The following SP140 variants were observed in gnomAD, a reference collection of about 807,000 sequenced individuals.
SP140 encodes the protein nuclear body protein SP140.
A neutral mutation model predicts 125.0 loss-of-function variants in SP140; 81 were observed. The ratio of observed to expected loss-of-function variants is 0.65; its 90% CI spans 0.54 to 0.78. The LOEUF (loss-of-function observed/expected upper bound fraction) is 0.78. Among genes scored for constraint, SP140 ranks in the 30% least tolerant of loss-of-function variants. SP140 has a pLI of 0.00. For missense variants in SP140, 858 were observed against 1,037.0 expected (o/e 0.83, Z 2.37); for synonymous variants, 312 against 354.0 (o/e 0.88, Z 1.33).
intron 20 of SP140, among the ~76,000 whole-genome samples, chr2:230,293,231 G>A (rs1218407228): frequency 6.6e-6 from 1 of 152,256 alleles, no homozygotes; most frequent in Non-Finnish European, 1.5e-5. Context: ...GGGGCAGGTT[G>A]TGCAGGGCTT....
intron 22 of SP140, among the ~76,000 whole-genome samples, chr2:230,307,990 T>TATAC (rs869070046): frequency 1.9e-3 from 102 of 52,608 alleles, no homozygotes; most frequent in Non-Finnish European, 2.7e-3. Context: ...TATATATATA[T>TATAC]ACACACACAC....
intron 22 of SP140, among the ~76,000 whole-genome samples, chr2:230,306,212 C>T (rs1178775997): frequency 6.6e-6 from 1 of 152,198 alleles, no homozygotes; most frequent in East Asian, 1.9e-4. Flanking sequence ...CCCAGAGCCT[C>T]TATCACAGCC....
intron 7 of SP140, among the ~76,000 whole-genome samples, chr2:230,246,987 A>G (rs986683246): frequency 2.0e-5 from 3 of 152,154 alleles, no homozygotes; most frequent in African/African-American, 7.2e-5. Context: ...AAGATTCACT[A>G]GACAGAAATA....
At chr2:230,222,554 A>T (rs1045710572), upstream of SP140, among the ~76,000 whole-genome samples, 2 of 152,120 alleles carry the variant, frequency 1.3e-5, no homozygotes, top group Non-Finnish European at 2.9e-5. Context: ...CCTCGTCTCT[A>T]CAAAAATACA....
rs1411832322 is a variant in SP140 at position 230,241,399 on chromosome 2, C to T, written c.407-5C>T. ...GTTTGGTAATTTTCACATTGTTTTC[C>T]TCAGTATGCTATGAACACTCACCTC... On this transcript the variant is annotated splice_polypyrimidine_tract_variant and splice_region_variant and intron_variant, in intron 3 of 26. Coordinates refer to ENST00000392045, the MANE Select transcript of SP140 (RefSeq NM_007237.5). 4 of 1,567,670 alleles carry T rather than the reference C, an allele frequency of 2.6e-6. No homozygotes were observed. The highest frequency in any genetic ancestry group is 2.2e-5 in the South Asian group (2 of 90,108).
upstream of SP140, among the ~76,000 whole-genome samples, chr2:230,223,039 C>CT (rs34477714): frequency 0.13 from 18,141 of 136,694 alleles, 1,366 homozygotes; most frequent in Middle Eastern, 0.23. Flanking sequence ...ATCAGTCTGA[C>CT]TTTTTTTTTT....
intron 17 of SP140, 119 bp from the exon 18 acceptor site, chr2:230,287,773 T>C (rs1030927210): frequency 2.5e-6 from 2 of 790,998 alleles, no homozygotes; most frequent in South Asian, 2.5e-5. Flanking sequence ...TAAATCTTTT[T>C]ATTTATACAT....
intron 17 of SP140, 76 bp from the exon 18 acceptor site, chr2:230,287,816 G>A: frequency 7.9e-7 from 1 of 1,266,990 alleles, no homozygotes; most frequent in Non-Finnish European, 1.1e-6. Context: ...CATTTAAATG[G>A]AATTTTTGAA....
chr2:230,222,610 G>A (rs1559192501), upstream of SP140, among the ~76,000 whole-genome samples: 1 of 151,636 alleles, frequency 6.6e-6, no homozygotes, highest in Non-Finnish European at 1.5e-5. Context: ...TGTGGTCCCC[G>A]CTATCAGGGA....
At chr2:230,194,306 A>T in the SP140 span, among the ~76,000 whole-genome samples, 1 of 152,110 alleles carries the variant, frequency 6.6e-6, no homozygotes, top group Non-Finnish European at 1.5e-5. Context: ...GAGTAAAAGA[A>T]TAAAGAAAAA....
chr2:230,244,649 A>G (rs2049163448), intron 5 of SP140, among the ~76,000 whole-genome samples: 1 of 152,178 alleles, frequency 6.6e-6, no homozygotes, highest in Non-Finnish European at 1.5e-5. Flanking sequence ...AGAACCAGAA[A>G]GAAAAATGGA....
downstream of SP140, among the ~76,000 whole-genome samples, chr2:230,313,668 A>G (rs182249142): frequency 1.3e-5 from 2 of 152,310 alleles, no homozygotes; most frequent in African/African-American, 4.8e-5. Context: ...CTTCTGGGGA[A>G]TGCAACCTAA....
At chr2:230,264,781 A>T (rs1448635587) in intron 12 of SP140, among the ~76,000 whole-genome samples, 1 of 152,204 alleles carries the variant, frequency 6.6e-6, no homozygotes, top group Non-Finnish European at 1.5e-5. Context: ...ACCAGGCTCC[A>T]GGCTGGTACT....
chr2:230,222,792 C>T (rs2045928397), upstream of SP140, among the ~76,000 whole-genome samples: 1 of 150,708 alleles, frequency 6.6e-6, no homozygotes, highest in African/African-American at 2.4e-5. Context: ...CACCAGGCAA[C>T]CACTGATCTG....
At chr2:230,270,054 C>A (rs1431917746) in intron 14 of SP140, 101 bp downstream of exon 14, 2 of 761,988 alleles carry the variant, frequency 2.6e-6, no homozygotes, top group African/African-American at 3.5e-5. Context: ...GAATTCTATT[C>A]TCCGCATTTG....
Position 230,292,633 on chromosome 2 carries a change from C to G in SP140, c.1826-13C>G. On this transcript the variant is annotated splice_polypyrimidine_tract_variant and intron_variant, in intron 19 of 26. Transcript: ENST00000392045. Reference sequence around the variant, plus strand: ...AAAAGAGGGCTCAGGATCAAGTTACCCTGGTCTTACAGGAATCTTGGTGAA... The same window carrying G: ...AAAAGAGGGCTCAGGATCAAGTTACGCTGGTCTTACAGGAATCTTGGTGAA... The G allele has an allele frequency of 6.2e-7, 1 of 1,614,030 alleles. No homozygotes were observed. The highest frequency in any genetic ancestry group is 8.5e-7 in the Non-Finnish European group (1 of 1,179,960).
chr2:230,278,888 AG>A (rs781028708), intron 15 of SP140, among the ~76,000 whole-genome samples: 1 of 152,086 alleles, frequency 6.6e-6, no homozygotes, highest in Non-Finnish European at 1.5e-5. Flanking sequence ...CAAATTGGAA[AG>A]AAGTTAAATT....
chr2:230,212,286 A>AC, intron 1 of SP140: 1 of 1,237,784 alleles, frequency 8.1e-7, no homozygotes, highest in Non-Finnish European at 1.2e-6. Context: ...TGGTTGGCAG[A>AC]CGCATGTTCT....
intron 22 of SP140, among the ~76,000 whole-genome samples, chr2:230,309,707 CTT>C (rs1374906514): frequency 6.6e-6 from 1 of 152,220 alleles, no homozygotes; most frequent in African/African-American, 2.4e-5. Context: ...ATAAGGAAGA[CTT>C]TTCAATTCTG....
Sources: allele counts gnomAD v4.1 joint callset (sites outside exome capture counted in the v4.1 genomes callset), GRCh38; gene constraint gnomAD v4.1.1; transcripts MANE v1.5; gene names NCBI Gene and HGNC (gene_info 2026-07-23, HGNC 2026-07-21).